The following PLXNA4 variants were observed in gnomAD, a reference collection of about 807,000 sequenced individuals.
PLXNA4 encodes plexin A4, also known as plexin-A4.
Under a neutral mutation model 191.8 loss-of-function variants are expected in PLXNA4, and 44 were observed. The ratio of observed to expected loss-of-function variants is 0.23; its 90% CI spans 0.18 to 0.29. PLXNA4 has a LOEUF of 0.29. Among genes scored for constraint, PLXNA4 ranks in the 10% least tolerant of loss-of-function variants. PLXNA4 has a pLI of 1.00. For synonymous variants in PLXNA4, 1,082 were observed against 1,009.5 expected, an observed-to-expected ratio of 1.07 and a Z score of -1.36; for missense variants, 1,800 against 2,488.8, an observed-to-expected ratio of 0.72 and a Z score of 5.89.
intron 18 of PLXNA4, 121 bp downstream of exon 18, chr7:132,181,260 A>G (rs918301802): frequency 2.0e-6 from 3 of 1,515,870 alleles, no homozygotes; most frequent in Non-Finnish European, 2.7e-6. Flanking sequence ...TCTGGGCTAC[A>G]CTGCAACCTC....
At position 132,480,923 on chromosome 7, in the gene PLXNA4, C is replaced by A. The variant is rs188757662; in HGVS notation, c.1371+8369G>T. Among the ~76,000 whole-genome samples the A allele has an allele frequency of 1.4e-3, 214 of 152,250 alleles. 2 individuals are homozygous for A. The highest frequency in any genetic ancestry group is 4.9e-3 in the Admixed American group (75 of 15,282). On this transcript the variant is annotated intron_variant, in intron 3 of 31. Transcript: ENST00000321063. ...AATTTAGCCAGGGCCCTTGAGGACT[C>A]GAAATGTGAAGGCCGAGGCAGCCAG... is the stretch of plus-strand genomic sequence containing the variant.
intron 2 of PLXNA4, among the ~76,000 whole-genome samples, chr7:132,612,663 C>CA (rs71529768): frequency 0.082 from 5,582 of 68,098 alleles, 449 homozygotes; most frequent in East Asian, 0.38. Context: ...GTCTCCATCT[C>CA]AAAAAAAAAA....
intron 1 of PLXNA4, among the ~76,000 whole-genome samples, chr7:132,560,768 G>A (rs1801003869): frequency 1.3e-5 from 2 of 152,056 alleles, no homozygotes; most frequent in South Asian, 4.1e-4. Context: ...GCCCAGGCAA[G>A]ACACCTGCAG....
At chr7:132,594,403 C>T (rs1208067837) in intron 2 of PLXNA4, among the ~76,000 whole-genome samples, 1 of 152,216 alleles carries the variant, frequency 6.6e-6, no homozygotes, top group Non-Finnish European at 1.5e-5. Context: ...CTCAGACTTC[C>T]AGCCTCCAGA....
intron 2 of PLXNA4, among the ~76,000 whole-genome samples, chr7:132,606,579 G>T (rs1481650726): frequency 1.3e-5 from 2 of 152,174 alleles, no homozygotes; most frequent in East Asian, 1.9e-4. Flanking sequence ...TGAAATCTGT[G>T]TTATGCTCAA....
At chr7:132,392,305 TGAA>T (rs966391854) in intron 3 of PLXNA4, among the ~76,000 whole-genome samples, 5 of 152,106 alleles carry the variant, frequency 3.3e-5, no homozygotes, top group Non-Finnish European at 7.4e-5. Context: ...TATGAAGAAA[TGAA>T]GGAATGGAAG....
chr7:132,593,036 C>T (rs1292357374), intron 2 of PLXNA4, among the ~76,000 whole-genome samples: 1 of 152,190 alleles, frequency 6.6e-6, no homozygotes, highest in Non-Finnish European at 1.5e-5. Context: ...TACAGTGACA[C>T]AAATGACAGG....
At chr7:132,338,551 T>A (rs1385617443) in intron 3 of PLXNA4, among the ~76,000 whole-genome samples, 1 of 152,220 alleles carries the variant, frequency 6.6e-6, no homozygotes, top group Non-Finnish European at 1.5e-5. Context: ...GTGCAGTAAT[T>A]ACTCAGATAT....
chr7:132,136,427 G>A (rs2085454288), intron 30 of PLXNA4, among the ~76,000 whole-genome samples: 1 of 152,204 alleles, frequency 6.6e-6, no homozygotes, highest in Admixed American at 6.5e-5. Context: ...ACCCCTCCGA[G>A]CTGCCCCAGG....
intron 3 of PLXNA4, among the ~76,000 whole-genome samples, chr7:132,340,453 G>T (rs1802983929): frequency 1.3e-5 from 2 of 152,232 alleles, no homozygotes; most frequent in African/African-American, 4.8e-5. Flanking sequence ...CTAAGCATCA[G>T]TTGGTGGAAT....
chr7:132,316,324 C>T (rs1801942424), intron 3 of PLXNA4, among the ~76,000 whole-genome samples: 1 of 152,050 alleles, frequency 6.6e-6, no homozygotes, highest in Non-Finnish European at 1.5e-5. Flanking sequence ...GCAGCAAGCT[C>T]TCTAACCAGA....
intron 3 of PLXNA4, among the ~76,000 whole-genome samples, chr7:132,395,850 TAG>T (rs1793735238): frequency 6.6e-6 from 1 of 152,212 alleles, no homozygotes; most frequent in Admixed American, 6.5e-5. Context: ...GATTCCAAAT[TAG>T]AGTTTCTCCC....
chr7:132,541,457 T>C (rs1200304075), intron 1 of PLXNA4, among the ~76,000 whole-genome samples: 2 of 152,386 alleles, frequency 1.3e-5, no homozygotes, highest in East Asian at 3.9e-4. Context: ...GGTCATATTT[T>C]GTGATCTTTG....
intron 12 of PLXNA4, among the ~76,000 whole-genome samples, chr7:132,198,984 A>G (rs62469724): frequency 0.025 from 3,806 of 152,298 alleles, 92 homozygotes; most frequent in Middle Eastern, 0.061. Flanking sequence ...TCTACTCTCA[A>G]GGAAAATAAA....
chr7:132,203,208 G>A, intron 11 of PLXNA4, 115 bp downstream of exon 11: 3 of 907,098 alleles, frequency 3.3e-6, no homozygotes, highest in East Asian at 2.5e-5. Flanking sequence ...GAGGGAGAGG[G>A]ACAGCCACTA....
intron 3 of PLXNA4, among the ~76,000 whole-genome samples, chr7:132,435,060 T>C (rs1795416342): frequency 6.6e-6 from 1 of 152,128 alleles, no homozygotes; most frequent in Admixed American, 6.5e-5. Context: ...GGGGAGTCAG[T>C]CTGCGCTTCT....
intron 1 of PLXNA4, among the ~76,000 whole-genome samples, chr7:132,516,185 G>C (rs1798927617): frequency 1.3e-5 from 2 of 151,656 alleles, no homozygotes; most frequent in South Asian, 4.2e-4. Context: ...TTCTAAACCA[G>C]GGTTTATAAA....
intron 3 of PLXNA4, among the ~76,000 whole-genome samples, chr7:132,338,726 G>A (rs1389498692): frequency 6.6e-6 from 1 of 152,116 alleles, no homozygotes; most frequent in South Asian, 2.1e-4. Flanking sequence ...GGAGGTGGAT[G>A]GTGGTCTGTG....
At chr7:132,394,581 A>G (rs894191090) in intron 3 of PLXNA4, among the ~76,000 whole-genome samples, 3 of 152,202 alleles carry the variant, frequency 2.0e-5, no homozygotes, top group Non-Finnish European at 2.9e-5. Flanking sequence ...CTCTGTTGTT[A>G]ACCTACTGTG....
Sources: gnomAD v4.1 joint callset for allele counts (sites outside exome capture counted in the v4.1 genomes callset) on GRCh38, gnomAD v4.1.1 for gene constraint, MANE v1.5 for transcripts, NCBI Gene and HGNC (gene_info 2026-07-23, HGNC 2026-07-21) for gene names.